EIF4G3: variants seen among roughly 807,000 people sequenced by gnomAD.
EIF4G3 encodes the protein eukaryotic translation initiation factor 4 gamma 3.
A neutral mutation model predicts 186.4 loss-of-function variants in EIF4G3; 34 were observed. The ratio of observed to expected loss-of-function variants is 0.18; its 90% CI spans 0.14 to 0.24. The LOEUF (loss-of-function observed/expected upper bound fraction) is 0.24, where lower values mean the gene tolerates loss of function less well. Among genes scored for constraint, EIF4G3 ranks in the 10% least tolerant of loss-of-function variants. The probability of loss-of-function intolerance (pLI) is 1.00; values close to 1 mark genes in which losing one functional copy is unlikely to be tolerated. For synonymous variants in EIF4G3, 673 were observed against 679.5 expected, an observed-to-expected ratio of 0.99 and a Z score of 0.15; for missense variants, 1,536 against 1,948.5, an observed-to-expected ratio of 0.79 and a Z score of 3.99.
Position 21,176,175 on chromosome 1 carries a change from T to C in EIF4G3, c.-272A>G, listed in dbSNP as rs1447865243. 2 of 406,396 alleles carry C rather than the reference T, an allele frequency of 4.9e-6. No homozygotes were observed. The highest frequency in any genetic ancestry group is 4.5e-5 in the Admixed American group (1 of 22,304). The allele number at this position is 406,396 out of a possible 1,614,324, so 25.2% of individuals were successfully genotyped here. A position where few individuals can be genotyped will look rare whatever the true frequency, so the allele number is the denominator to read the frequency against. ...GCCGACAGGAAGGTGAAAAGGATAC[T>C]GTTGGGGCGCCTGAGTCTGGAGGGC... is the stretch of plus-strand genomic sequence containing the variant. On this transcript the variant is annotated splice_region_variant and 5_prime_UTR_variant, in exon 2 of 37. Transcript: ENST00000602326.
Position 20,807,276 on chromosome 1 carries a change from T to C in EIF4G3, c.*43A>G. ...GAAGACGTGAAACTTTTTAAAAAAA[T>C]ACTTAAATTGTTTCTTTTGTTTCAT... On this transcript the variant is annotated 3_prime_UTR_variant, in exon 37 of 37. Transcript: ENST00000602326. 6.5e-7 allele frequency: 1 copy of C among 1,538,046 alleles called. No homozygotes were observed. The highest frequency in any genetic ancestry group is 1.2e-5 in the South Asian group (1 of 81,318).
chr1:20,986,359 T>C (rs907267407), intron 7 of EIF4G3, among the ~76,000 whole-genome samples: 6 of 152,212 alleles, frequency 3.9e-5, no homozygotes, highest in African/African-American at 1.4e-4. Flanking sequence ...ATCCTCTTTA[T>C]ACATAACCTG....
intron 34 of EIF4G3, among the ~76,000 whole-genome samples, chr1:20,814,834 C>A (rs1173151651): frequency 8.2e-6 from 1 of 121,360 alleles, no homozygotes; most frequent in Non-Finnish European, 1.7e-5. Flanking sequence ...TGATGCCGAG[C>A]CAAAGCTGGA....
chr1:21,054,120 T>C (rs2094447895), intron 3 of EIF4G3, among the ~76,000 whole-genome samples: 2 of 152,038 alleles, frequency 1.3e-5, no homozygotes, highest in African/African-American at 2.4e-5. Flanking sequence ...TTTTGTTCTG[T>C]ACTAAGAAAA....
chr1:20,961,807 A>G (rs1411018344), intron 12 of EIF4G3, among the ~76,000 whole-genome samples: 1 of 152,230 alleles, frequency 6.6e-6, no homozygotes, highest in African/African-American at 2.4e-5. Context: ...GAACCATTTA[A>G]GTCAAGGGAG....
intron 12 of EIF4G3, among the ~76,000 whole-genome samples, chr1:20,958,143 C>T (rs1398134963): frequency 6.6e-6 from 1 of 152,028 alleles, no homozygotes; most frequent in East Asian, 1.9e-4. Context: ...GATATAAAAA[C>T]TGTCAACAAA....
At chr1:20,899,229 T>A (rs1252777406) in intron 16 of EIF4G3, among the ~76,000 whole-genome samples, 2 of 152,236 alleles carry the variant, frequency 1.3e-5, no homozygotes, top group African/African-American at 4.8e-5. Context: ...TACTTGTTTA[T>A]CATACATATT....
chr1:20,998,212 TAC>T (rs5772928), intron 6 of EIF4G3, among the ~76,000 whole-genome samples: 9,780 of 148,464 alleles, frequency 0.066, 523 homozygotes, highest in African/African-American at 0.15. Flanking sequence ...TTTATGACTT[TAC>T]ACACACACAC....
At chr1:20,813,947 G>GTTTTTTTT (rs576925301) in intron 34 of EIF4G3, among the ~76,000 whole-genome samples, 1 of 77,330 alleles carries the variant, frequency 1.3e-5, no homozygotes, top group Non-Finnish European at 2.3e-5. Context: ...ATGAGTCACT[G>GTTTTTTTT]TTTTTTTTTT....
chr1:20,970,946 A>G (rs2075766462), intron 11 of EIF4G3, among the ~76,000 whole-genome samples: 1 of 152,218 alleles, frequency 6.6e-6, no homozygotes, highest in South Asian at 2.1e-4. Flanking sequence ...CCTGGGGGAA[A>G]AGAGCGAGAC....
chr1:21,167,339 C>T (rs2097872750), intron 2 of EIF4G3, among the ~76,000 whole-genome samples: 1 of 152,130 alleles, frequency 6.6e-6, no homozygotes. Context: ...TTTCCTCCTT[C>T]CTTCAATCAC....
chr1:20,929,861 T>C (rs2095208576), intron 14 of EIF4G3, among the ~76,000 whole-genome samples: 1 of 152,144 alleles, frequency 6.6e-6, no homozygotes, highest in Admixed American at 6.5e-5. Context: ...ACTGCCAGTG[T>C]TTAATCAAAT....
intron 30 of EIF4G3, among the ~76,000 whole-genome samples, chr1:20,830,867 C>G (rs1441236672): frequency 1.3e-5 from 2 of 151,204 alleles, no homozygotes; most frequent in Non-Finnish European, 2.9e-5. Flanking sequence ...ATTTTTTTTT[C>G]AGGTTTACAG....
chr1:20,914,141 T>C (rs1398403282), intron 14 of EIF4G3, among the ~76,000 whole-genome samples: 1 of 151,744 alleles, frequency 6.6e-6, no homozygotes, highest in Non-Finnish European at 1.5e-5. Context: ...TTGCGGTTAG[T>C]GATGTAAATT....
At chr1:21,010,928 G>T (rs1449713735) in intron 4 of EIF4G3, among the ~76,000 whole-genome samples, 1 of 152,192 alleles carries the variant, frequency 6.6e-6, no homozygotes, top group Non-Finnish European at 1.5e-5. Context: ...TTATCACAGT[G>T]TGGTCCACAG....
chr1:20,899,905 A>G lies in EIF4G3; in HGVS notation c.1791T>C (p.Leu597=), dbSNP rs749803320. ...GGCTCATTTTATCTTGTTCAGATTC[A>G]AGTACTTTGTCAATGGAAAGCTCCT... ...AEEELSIDKV[L]ESEQDKMSQG... is the part of the protein sequence containing the mutation. The change falls in exon 16 of 37, where the codon CTT becomes CTC. Residue 597 remains leucine, a synonymous_variant. Transcript: ENST00000602326. 4.3e-6 allele frequency: 7 copies of G among 1,613,580 alleles called. No homozygotes were observed. The highest frequency in any genetic ancestry group is 3.4e-6 in the Non-Finnish European group (4 of 1,179,928).
chr1:20,879,934 A>G (rs1032923610), intron 19 of EIF4G3, among the ~76,000 whole-genome samples: 1 of 152,100 alleles, frequency 6.6e-6, no homozygotes. Context: ...GATGTAAAAA[A>G]ATAGAAATTT....
At chr1:20,890,676 G>A (rs2085719258) in intron 18 of EIF4G3, among the ~76,000 whole-genome samples, 1 of 152,074 alleles carries the variant, frequency 6.6e-6, no homozygotes, top group African/African-American at 2.4e-5. Context: ...GGCTGGTCTT[G>A]AACTCCGGGA....
At chr1:20,906,298 T>C (rs532505140) in intron 14 of EIF4G3, among the ~76,000 whole-genome samples, 12 of 152,316 alleles carry the variant, frequency 7.9e-5, no homozygotes, top group Admixed American at 7.2e-4. Context: ...TTTGCATTTT[T>C]TGTGGATCTT....
Sources: allele counts gnomAD v4.1 joint callset (sites outside exome capture counted in the v4.1 genomes callset), GRCh38; gene constraint gnomAD v4.1.1; transcripts MANE v1.5; gene names NCBI Gene and HGNC (gene_info 2026-07-23, HGNC 2026-07-21).